MSRA: variants seen among roughly 807,000 people sequenced by gnomAD.
MSRA encodes mitochondrial peptide methionine sulfoxide reductase.
In MSRA, 54 loss-of-function variants were observed where a neutral mutation model predicts 31.3. The ratio of observed to expected loss-of-function variants is 1.73; its 90% CI spans 1.39 to 2.17. The LOEUF (loss-of-function observed/expected upper bound fraction) is 2.17. Among genes scored for constraint, MSRA ranks in the 30% most tolerant of loss-of-function variants. MSRA has a pLI of 0.00. For synonymous variants in MSRA, 169 were observed against 116.5 expected, an observed-to-expected ratio of 1.45 and a Z score of -2.90; for missense variants, 507 against 300.9, an observed-to-expected ratio of 1.69 and a Z score of -5.07.
Position 10,198,755 on chromosome 8 carries a change from C to G in MSRA, c.143-9078C>G, listed in dbSNP as rs1473521487. Among the ~76,000 whole-genome samples the G allele has an allele frequency of 1.6e-4, 25 of 152,174 alleles. 1 individual carries two copies. Among genetic ancestry groups the G allele is most frequent in the Admixed American group, 1.6e-3 (25 of 15,280 alleles). On this transcript the variant is annotated intron_variant, in intron 1 of 5. Coordinates refer to ENST00000317173, the MANE Select transcript of MSRA (RefSeq NM_012331.5). The stretch of plus-strand genomic sequence containing the variant: ...TCTCCTGGCTCAGCCTCCCTAGTAG[C>G]TGGGACCACAGGTGCACACCACCAT...
chr8:10,161,421 T>G (rs1168796586), intron 1 of MSRA, among the ~76,000 whole-genome samples: 2 of 152,172 alleles, frequency 1.3e-5, no homozygotes, highest in African/African-American at 2.4e-5. Flanking sequence ...TGAATTTGAT[T>G]TACCCTGTGC....
chr8:10,196,711 G>A (rs1468352579), intron 1 of MSRA, among the ~76,000 whole-genome samples: 1 of 151,760 alleles, frequency 6.6e-6, no homozygotes, highest in Non-Finnish European at 1.5e-5. Flanking sequence ...CACCATGCCC[G>A]GCTAATTTTT....
rs1275943999 is a variant in MSRA at position 10,332,856 on chromosome 8, G to T, written c.543+12867G>T. On this transcript the variant is annotated intron_variant, in intron 5 of 5. Coordinates refer to ENST00000317173, the MANE Select transcript of MSRA (RefSeq NM_012331.5). ...TTTACATATTAAACTGTGTGCATCC[G>T]CATTTGGGCCAAATGGAAAATCTGG... Among the ~76,000 whole-genome samples the T allele has an allele frequency of 3.3e-5, 5 of 152,304 alleles. No individual in the cohort carries two copies. In the East Asian group the frequency reaches 7.7e-4, roughly 24 times the overall value.
At chr8:10,382,666 T>A (rs1335410796) in intron 5 of MSRA, among the ~76,000 whole-genome samples, 1 of 152,140 alleles carries the variant, frequency 6.6e-6, no homozygotes, top group African/African-American at 2.4e-5. Context: ...GGCAAACACC[T>A]CATCTCTGCA....
chr8:10,389,284 G>A (rs1371749978), intron 5 of MSRA, among the ~76,000 whole-genome samples: 2 of 152,174 alleles, frequency 1.3e-5, no homozygotes, highest in Non-Finnish European at 2.9e-5. Context: ...TCTTCCGAAT[G>A]GAGGAGTGAT....
At chr8:10,133,308 T>C (rs186112094) in intron 1 of MSRA, among the ~76,000 whole-genome samples, 90 of 152,340 alleles carry the variant, frequency 5.9e-4, no homozygotes, top group Non-Finnish European at 1.1e-3. Context: ...CTGAGACTTA[T>C]ATTATTAATA....
At chr8:10,166,868 G>A (rs925037898) in intron 1 of MSRA, among the ~76,000 whole-genome samples, 2 of 152,252 alleles carry the variant, frequency 1.3e-5, no homozygotes, top group South Asian at 2.1e-4. Flanking sequence ...AGCATCATCT[G>A]GGACTGATGC....
At chr8:10,129,663 T>G (rs961085007) in intron 1 of MSRA, among the ~76,000 whole-genome samples, 7 of 152,118 alleles carry the variant, frequency 4.6e-5, no homozygotes, top group Admixed American at 3.9e-4. Context: ...ATGCTGTTCT[T>G]ACAGGCTTAG....
At chr8:10,233,604 A>G (rs1049218450) in intron 2 of MSRA, among the ~76,000 whole-genome samples, 12 of 152,214 alleles carry the variant, frequency 7.9e-5, no homozygotes, top group African/African-American at 2.9e-4. Context: ...AACTTAGTTA[A>G]TGTTTTAGTG....
chr8:10,352,355 C>T (rs1196056408), intron 5 of MSRA, among the ~76,000 whole-genome samples: 3 of 151,942 alleles, frequency 2.0e-5, no homozygotes, highest in Admixed American at 6.6e-5. Context: ...TGCTGGTATG[C>T]GAAGGGGAAA....
chr8:10,318,325 T>C (rs1563344353), intron 4 of MSRA, among the ~76,000 whole-genome samples: 1 of 152,248 alleles, frequency 6.6e-6, no homozygotes, highest in African/African-American at 2.4e-5. Flanking sequence ...AAACAAGAAA[T>C]GATGGCAAAG....
intron 3 of MSRA, among the ~76,000 whole-genome samples, chr8:10,270,671 G>A (rs977727499): frequency 2.0e-5 from 3 of 152,210 alleles, no homozygotes; most frequent in African/African-American, 4.8e-5. Flanking sequence ...TGTTATCCAG[G>A]TGGATGTACC....
At chr8:10,296,645 A>G (rs1246546837) in intron 3 of MSRA, among the ~76,000 whole-genome samples, 1 of 152,244 alleles carries the variant, frequency 6.6e-6, no homozygotes, top group African/African-American at 2.4e-5. Context: ...CTTAAGTCCC[A>G]TGTGCCAGGC....
intron 1 of MSRA, chr8:10,095,479 A>G (rs1369377522): frequency 3.0e-6 from 3 of 985,376 alleles, no homozygotes; most frequent in Non-Finnish European, 3.6e-6. Context: ...TTTGGAGACA[A>G]GAATTCAGAC....
chr8:10,127,043 T>G (rs1168619770), intron 1 of MSRA, among the ~76,000 whole-genome samples: 1 of 152,216 alleles, frequency 6.6e-6, no homozygotes, highest in Non-Finnish European at 1.5e-5. Context: ...TAGAGTTAAC[T>G]ACAGATGACA....
chr8:10,334,743 T>G (rs1802918669), intron 5 of MSRA, among the ~76,000 whole-genome samples: 1 of 152,222 alleles, frequency 6.6e-6, no homozygotes, highest in Admixed American at 6.5e-5. Flanking sequence ...GCATGTGTAT[T>G]TAGCGCTTAA....
chr8:10,155,909 G>A (rs1055723823), intron 1 of MSRA, among the ~76,000 whole-genome samples: 1 of 152,200 alleles, frequency 6.6e-6, no homozygotes, highest in South Asian at 2.1e-4. Context: ...AACTGATTCA[G>A]GATGGATGTG....
intron 4 of MSRA, among the ~76,000 whole-genome samples, chr8:10,308,951 AG>A (rs760562860): frequency 1.3e-5 from 2 of 152,226 alleles, no homozygotes; most frequent in Non-Finnish European, 2.9e-5. Context: ...CTGGCCCCTA[AG>A]GGGTGCTTAG....
At chr8:10,139,122 C>G (rs531774449) in intron 1 of MSRA, among the ~76,000 whole-genome samples, 1 of 152,074 alleles carries the variant, frequency 6.6e-6, no homozygotes, top group Admixed American at 6.6e-5. Context: ...TGGAAAATGC[C>G]GAAGAATACT....
Sources: allele counts gnomAD v4.1 joint callset (sites outside exome capture counted in the v4.1 genomes callset), GRCh38; gene constraint gnomAD v4.1.1; transcripts MANE v1.5; gene names NCBI Gene and HGNC (gene_info 2026-07-23, HGNC 2026-07-21).